The following DMD variants were observed in gnomAD, a reference collection of about 807,000 sequenced individuals.
The protein encoded by DMD is dystrophin.
DMD carries 63 observed loss-of-function variants against 330.1 expected under a neutral mutation model. That is an observed-to-expected ratio of 0.19 (90% CI 0.16 to 0.24). The LOEUF (loss-of-function observed/expected upper bound fraction) is 0.24, where lower values mean the gene tolerates loss of function less well. DMD is among the 10% of genes least tolerant of loss of function. The pLI is 1.00. For synonymous variants in DMD, 1,223 were observed against 959.8 expected (o/e 1.27, Z -5.07); for missense variants, 3,344 against 2,684.1 (o/e 1.25, Z -5.43).
chrX:32,318,238 T>C (rs991270725), intron 41 of DMD, among the ~76,000 whole-genome samples: 2 of 111,385 alleles, frequency 1.8e-5, no homozygotes, highest in African/African-American at 6.5e-5. Context: ...TTATTTCTCC[T>C]GGACAATTAT....
chrX:31,400,918 A>G (rs751802031), intron 60 of DMD, among the ~76,000 whole-genome samples: 1 of 111,922 alleles, frequency 8.9e-6, no homozygotes, highest in South Asian at 3.8e-4. Context: ...CTTTGGCTCC[A>G]GTGGGCAGGA....
intron 1 of DMD, among the ~76,000 whole-genome samples, chrX:33,030,026 G>C (rs1388738956): frequency 9.0e-6 from 1 of 111,442 alleles, no homozygotes; most frequent in African/African-American, 3.3e-5. Flanking sequence ...CTGTGGCCTT[G>C]AGTAAGTTAC....
intron 41 of DMD, among the ~76,000 whole-genome samples, chrX:32,329,383 T>A (rs2097667690): frequency 9.0e-6 from 1 of 111,144 alleles, no homozygotes; most frequent in Admixed American, 9.6e-5. Flanking sequence ...TATCCAGAAA[T>A]AGAGGCCCAA....
chrX:32,336,639 T>C (rs2097717044), intron 41 of DMD, among the ~76,000 whole-genome samples: 1 of 111,734 alleles, frequency 8.9e-6, no homozygotes, highest in Non-Finnish European at 1.9e-5. Context: ...TACATAAGTA[T>C]AGGGAATATA....
intron 7 of DMD, among the ~76,000 whole-genome samples, chrX:32,775,695 T>G (rs1469896227): frequency 8.9e-6 from 1 of 112,626 alleles, no homozygotes; most frequent in Non-Finnish European, 1.9e-5. Flanking sequence ...ACCAAACCAT[T>G]TTTCCCTTCT....
At position 33,074,738 on chromosome X, in the gene DMD, C is replaced by T. The variant is rs144944622; in HGVS notation, c.32-54538G>A. Among the ~76,000 whole-genome samples the T allele has an allele frequency of 8.6e-3, 960 of 111,354 alleles. 25 individuals are homozygous for T. Among genetic ancestry groups the T allele is most frequent in the Admixed American group, 0.061 (628 of 10,362 alleles). ...GGACCCTGTAGAGAGTTCCCACCAG[C>T]AAGAAGGCCCTCACCAGATGTGTCC... On this transcript the variant is annotated intron_variant, in intron 1 of 78. Transcript: ENST00000357033.
intron 43 of DMD, among the ~76,000 whole-genome samples, chrX:32,217,613 A>G (rs1456951721): frequency 9.1e-6 from 1 of 110,472 alleles, no homozygotes; most frequent in Non-Finnish European, 1.9e-5. Context: ...ATTGTGCTGT[A>G]TATTTCAAAA....
At chrX:31,201,187 ACACACACACACG>A (rs1247432221) in intron 67 of DMD, among the ~76,000 whole-genome samples, 4 of 107,662 alleles carry the variant, frequency 3.7e-5, no homozygotes, top group Non-Finnish European at 5.8e-5. Context: ...ACACACACAC[ACACACACACACG>A]CACACACACA....
intron 44 of DMD, among the ~76,000 whole-genome samples, chrX:32,089,558 A>G (rs955881352): frequency 3.6e-5 from 4 of 111,455 alleles, no homozygotes; most frequent in African/African-American, 9.8e-5. Context: ...CTGTTTCCAT[A>G]TAAGTTTGCT....
intron 55 of DMD, among the ~76,000 whole-genome samples, chrX:31,568,660 T>A (rs1648908884): frequency 8.9e-6 from 1 of 111,805 alleles, no homozygotes; most frequent in Admixed American, 9.5e-5. Context: ...GTATTTGAAA[T>A]AAACTTCTTT....
At chrX:32,365,294 G>T in intron 34 of DMD, 95 bp from the exon 35 acceptor site, 1 of 887,849 alleles carries the variant, frequency 1.1e-6, no homozygotes, top group Non-Finnish European at 1.6e-6. Context: ...CTATGATTCT[G>T]CAAGGTTTTA....
At chrX:31,257,262 T>C (rs1182331490) in intron 63 of DMD, among the ~76,000 whole-genome samples, 1 of 97,889 alleles carries the variant, frequency 1.0e-5, no homozygotes, top group Non-Finnish European at 2.0e-5. Flanking sequence ...CGGTAGAGTA[T>C]GCCTGGAGTG....
intron 19 of DMD, among the ~76,000 whole-genome samples, chrX:32,500,461 G>T (rs930348956): frequency 9.0e-6 from 1 of 111,503 alleles, no homozygotes; most frequent in Admixed American, 9.6e-5. Flanking sequence ...AATTATTTCT[G>T]ATTAATTCAG....
chrX:33,256,993 T>C (rs1464633069), intron 1 of DMD, among the ~76,000 whole-genome samples: 2 of 110,602 alleles, frequency 1.8e-5, no homozygotes, highest in Non-Finnish European at 3.8e-5. Context: ...CATTTTACGA[T>C]ATGTGCAAAA....
At chrX:32,696,776 G>A (rs1172313603) in intron 9 of DMD, among the ~76,000 whole-genome samples, 1 of 111,075 alleles carries the variant, frequency 9.0e-6, no homozygotes, top group Non-Finnish European at 1.9e-5. Flanking sequence ...TGATTTCAAC[G>A]GAGGGAATGG....
intron 34 of DMD, among the ~76,000 whole-genome samples, chrX:32,370,115 A>G (rs2097868753): frequency 9.0e-6 from 1 of 111,421 alleles, no homozygotes; most frequent in Admixed American, 9.6e-5. Context: ...GAAAAGGAAT[A>G]CATTGCCATA....
At chrX:32,944,789 A>G (rs1014648699) in intron 2 of DMD, among the ~76,000 whole-genome samples, 5 of 109,740 alleles carry the variant, frequency 4.6e-5, no homozygotes, top group Non-Finnish European at 9.5e-5. Flanking sequence ...ATTTTTAAGT[A>G]GAGGCTGGGT....
intron 21 of DMD, among the ~76,000 whole-genome samples, chrX:32,480,400 G>GTA (rs1040888751): frequency 1.9e-5 from 2 of 104,639 alleles, no homozygotes; most frequent in Admixed American, 2.0e-4. Flanking sequence ...GTGTGTGTGT[G>GTA]TATATGTCTA....
At position 33,175,611 on chromosome X, in the gene DMD, A is replaced by G. The variant is rs148640295; in HGVS notation, c.31+35671T>C. 6.2e-3 allele frequency among the ~76,000 whole-genome samples: 697 copies of G among 112,189 alleles called. 6 individuals are homozygous for G. Among genetic ancestry groups the G allele is most frequent in the African/African-American group, 0.021 (657 of 30,905 alleles). The stretch of plus-strand genomic sequence containing the variant: ...TATTATACTCACTTTACAGGAAAAA[A>G]GCACCATGAAGTGAAAAGAACATTG... On this transcript the variant is annotated intron_variant, in intron 1 of 78. Transcript: ENST00000357033.
Sources: allele counts gnomAD v4.1 joint callset (sites outside exome capture counted in the v4.1 genomes callset), GRCh38; gene constraint gnomAD v4.1.1; transcripts MANE v1.5; gene names NCBI Gene and HGNC (gene_info 2026-07-23, HGNC 2026-07-21).